TEX264: variants seen among roughly 807,000 people sequenced by gnomAD.
TEX264 encodes testis-expressed protein 264.
In TEX264, 13 loss-of-function variants were observed where a neutral mutation model predicts 23.4. The observed-to-expected ratio is 0.56, with a 90% confidence interval of 0.36 to 0.88. The LOEUF (loss-of-function observed/expected upper bound fraction) is 0.88. TEX264 is among the 40% of genes least tolerant of loss of function. The probability of loss-of-function intolerance (pLI) is 0.01; values close to 1 mark genes in which losing one functional copy is unlikely to be tolerated. For missense variants in TEX264, 340 were observed against 406.8 expected (o/e 0.84, Z 1.41); for synonymous variants, 159 against 170.0 (o/e 0.94, Z 0.50).
chr3:51,677,064 G>C (rs1480040619), intron 2 of TEX264, among the ~76,000 whole-genome samples: 1 of 152,206 alleles, frequency 6.6e-6, no homozygotes, highest in East Asian at 1.9e-4. Flanking sequence ...GGGAACCATG[G>C]ACCCCCAGGC....
At chr3:51,702,885 T>C (rs1224608235) in intron 4 of TEX264, among the ~76,000 whole-genome samples, 3 of 152,098 alleles carry the variant, frequency 2.0e-5, no homozygotes, top group Admixed American at 6.5e-5. Flanking sequence ...TAGAAGGAGT[T>C]TGGGCCATCA....
chr3:51,676,844 A>G (rs1702248657), intron 2 of TEX264, among the ~76,000 whole-genome samples: 1 of 152,192 alleles, frequency 6.6e-6, no homozygotes, highest in Non-Finnish European at 1.5e-5. Flanking sequence ...GGCTGTGGTC[A>G]TTTGGGTGGC....
rs961095608 is a variant in TEX264 at position 51,686,994 on chromosome 3, A to G, written c.480+2360A>G. 5.3e-5 allele frequency among the ~76,000 whole-genome samples: 8 copies of G among 152,276 alleles called. 1 individual carries two copies. In the East Asian group the frequency reaches 1.2e-3, roughly 22 times the overall value. On this transcript the variant is annotated intron_variant, in intron 3 of 4. Coordinates refer to ENST00000341333, the MANE Select transcript of TEX264 (RefSeq NM_015926.6). This position sits in a 1 kb window ranked among gnomAD's most constrained non-coding sequence, Gnocchi z 4.1. Reference sequence around the variant, plus strand: ...TTTCCCGGCCCCTGACAGCTTCACAAGTTGCCTGGTTTTGACGTCACCTCT... The same window carrying G: ...TTTCCCGGCCCCTGACAGCTTCACAGGTTGCCTGGTTTTGACGTCACCTCT...
At chr3:51,702,128 G>C (rs1429542638) in intron 4 of TEX264, among the ~76,000 whole-genome samples, 3 of 152,192 alleles carry the variant, frequency 2.0e-5, no homozygotes, top group Admixed American at 6.5e-5. Flanking sequence ...GAGCCATTGG[G>C]TGGGTGGGCA....
intron 1 of TEX264, among the ~76,000 whole-genome samples, chr3:51,673,987 G>A (rs4687599): frequency 0.1 from 15,514 of 152,136 alleles, 1,572 homozygotes; most frequent in East Asian, 0.33. Context: ...GTGCCCCTCT[G>A]TGACTCAGTT....
At chr3:51,684,266 A>G in intron 2 of TEX264, 147 bp from the exon 3 acceptor site, 1 of 679,742 alleles carries the variant, frequency 1.5e-6, no homozygotes, top group Non-Finnish European at 2.5e-6. Flanking sequence ...GTAAGAAAAT[A>G]GCTAGCTGTG....
rs1167808747 is a variant in TEX264, at chr3:51,700,724, G to A, written c.649+1150G>A. Among the ~76,000 whole-genome samples, 3 of 151,850 alleles carry A rather than the reference G, an allele frequency of 2.0e-5. No individual in the cohort carries two copies. The East Asian group carries it at 5.8e-4, about 30-fold the overall frequency. ...TTCCCTCCCAAACACTGCCTGTCAGGGTCATTGAAGGACTGCTTGGCACCC... is the reference window on the plus strand; with the variant it reads ...TTCCCTCCCAAACACTGCCTGTCAGAGTCATTGAAGGACTGCTTGGCACCC... On this transcript the variant is annotated intron_variant, in intron 4 of 4. Transcript: ENST00000341333.
chr3:51,699,789 C>T (rs1270349746), intron 4 of TEX264, among the ~76,000 whole-genome samples: 9 of 152,136 alleles, frequency 5.9e-5, no homozygotes, highest in Non-Finnish European at 2.9e-5. Context: ...TGGATTCACA[C>T]ACATTACCTC....
At chr3:51,697,841 G>A (rs931510181) in intron 3 of TEX264, among the ~76,000 whole-genome samples, 5 of 152,226 alleles carry the variant, frequency 3.3e-5, no homozygotes, top group African/African-American at 9.6e-5. Flanking sequence ...GAAATGGGAC[G>A]TGTCAGGGGC....
chr3:51,679,179 G>T (rs1373718523), intron 2 of TEX264, among the ~76,000 whole-genome samples: 1 of 152,168 alleles, frequency 6.6e-6, no homozygotes, highest in Non-Finnish European at 1.5e-5. Context: ...GAGTCACTTG[G>T]CCTGTCTGAG....
chr3:51,684,716 G>A (rs1400446224), intron 3 of TEX264, 82 bp downstream of exon 3: 5 of 1,428,122 alleles, frequency 3.5e-6, no homozygotes, highest in East Asian at 4.8e-5. Context: ...TAGAATGGGA[G>A]GAAGAAGTGG....
At chr3:51,671,529 A>C (rs913910294) in intron 1 of TEX264, 1 of 154,288 alleles carries the variant, frequency 6.5e-6, no homozygotes, top group Non-Finnish European at 1.5e-5. Flanking sequence ...GGTGCAGGGC[A>C]TGCCCCGGGG....
At chr3:51,680,281 G>C (rs1702380399) in intron 2 of TEX264, among the ~76,000 whole-genome samples, 2 of 152,218 alleles carry the variant, frequency 1.3e-5, no homozygotes, top group South Asian at 4.1e-4. Flanking sequence ...CTGCATCCTG[G>C]AAGATTATCA....
At position 51,699,385 on chromosome 3, in the gene TEX264, CT is replaced by C. The variant is rs758162494; in HGVS notation, c.481-17del. The C allele has an allele frequency of 3.1e-6, 5 of 1,611,416 alleles. No homozygotes were observed. In the Admixed American group the frequency reaches 6.7e-5, roughly 22 times the overall value. On this transcript the variant is annotated intron_variant, in intron 3 of 4. Coordinates refer to ENST00000341333, the MANE Select transcript of TEX264 (RefSeq NM_015926.6). ...AGGGGCCCTGTAGGGCTCATTCTAC[CT>C]TTTGCCACTCTCTGACTAGGAGCGG...
intron 3 of TEX264, among the ~76,000 whole-genome samples, chr3:51,684,915 A>T (rs903779547): frequency 5.3e-5 from 8 of 152,244 alleles, no homozygotes; most frequent in African/African-American, 1.9e-4. Context: ...GACCAAAGAC[A>T]TCCATAGTGC....
intron 3 of TEX264, among the ~76,000 whole-genome samples, chr3:51,689,183 G>C (rs969054731): frequency 6.6e-6 from 1 of 152,064 alleles, no homozygotes; most frequent in South Asian, 2.1e-4. Context: ...CAGCACTTTG[G>C]GAGGCTGAGG....
Position 51,686,706 on chromosome 3 carries a change from A to G in TEX264, c.480+2072A>G, listed in dbSNP as rs1702635332. Among the ~76,000 whole-genome samples, 1 of 152,024 alleles carries G rather than the reference A, an allele frequency of 6.6e-6. No individual in the cohort carries two copies. Among genetic ancestry groups the G allele is most frequent in the Non-Finnish European group, 1.5e-5 (1 of 67,966 alleles). ...GGGCTGGCTGGTGGTGTGGGCAGGA[A>G]GGAAGATACCAGTGCCCTAGGCCTG... On this transcript the variant is annotated intron_variant, in intron 3 of 4. Transcript: ENST00000341333. This position sits in a 1 kb window ranked among gnomAD's most constrained non-coding sequence, Gnocchi z 4.1.
chr3:51,695,137 G>A (rs902782691), intron 3 of TEX264, among the ~76,000 whole-genome samples: 2 of 152,194 alleles, frequency 1.3e-5, no homozygotes, highest in African/African-American at 4.8e-5. Context: ...CCACTACCTC[G>A]GGTGGGATGC....
chr3:51,691,846 A>G lies in TEX264; in HGVS notation c.480+7212A>G, dbSNP rs1312549912. 6.6e-6 allele frequency among the ~76,000 whole-genome samples: 1 copy of G among 152,222 alleles called. No individual in the cohort carries two copies. The highest frequency in any genetic ancestry group is 1.5e-5 in the Non-Finnish European group (1 of 68,040). ...ATAATGCAAGTTAGCTGAAAGTAGCAGTGACTTTTCATTCCCAGATGTCCC... is the reference window on the plus strand; with the variant it reads ...ATAATGCAAGTTAGCTGAAAGTAGCGGTGACTTTTCATTCCCAGATGTCCC... On this transcript the variant is annotated intron_variant, in intron 3 of 4. Transcript: ENST00000341333. The surrounding 1 kb of genome is among the most constrained non-coding windows in gnomAD (Gnocchi z 4.4).
Sources: allele counts gnomAD v4.1 joint callset (sites outside exome capture counted in the v4.1 genomes callset), GRCh38; gene constraint gnomAD v4.1.1; non-coding constraint Gnocchi (gnomAD v3.1); transcripts MANE v1.5; gene names NCBI Gene and HGNC (gene_info 2026-07-23, HGNC 2026-07-21).